The following DLG2 variants were observed in gnomAD, a reference collection of about 807,000 sequenced individuals.
The protein encoded by DLG2 is disks large homolog 2.
A neutral mutation model predicts 132.5 loss-of-function variants in DLG2; 45 were observed. The observed-to-expected ratio is 0.34, with a 90% CI of 0.27 to 0.44. The LOEUF is 0.44. Among genes scored for constraint, DLG2 ranks in the 20% least tolerant of loss-of-function variants. The pLI is 1.00. For missense variants in DLG2, 1,045 were observed against 1,196.9 expected (o/e 0.87, Z 1.87); for synonymous variants, 424 against 419.6 (o/e 1.01, Z -0.13).
intron 7 of DLG2, among the ~76,000 whole-genome samples, chr11:84,343,168 T>G (rs558921757): frequency 6.6e-6 from 1 of 152,158 alleles, no homozygotes; most frequent in African/African-American, 2.4e-5. Context: ...ATTTAGGGAT[T>G]TGATGAATCG....
Position 84,629,096 on chromosome 11 carries a change from G to A in DLG2, c.358-94365C>T, listed in dbSNP as rs775348599. On this transcript the variant is annotated intron_variant, in intron 6 of 27. Coordinates refer to ENST00000376104, the MANE Select transcript of DLG2 (RefSeq NM_001142699.3). ...CATGAATCCTTCCTTTCCTGCAACT[G>A]CCTGTTAATTATAGTGCCACTTTTG... 2.0e-5 allele frequency among the ~76,000 whole-genome samples: 3 copies of A among 152,088 alleles called. 1 individual carries two copies. The highest frequency in any genetic ancestry group is 4.4e-5 in the Non-Finnish European group (3 of 68,032).
chr11:85,258,932 T>C (rs56397020), intron 4 of DLG2, among the ~76,000 whole-genome samples: 7,824 of 152,316 alleles, frequency 0.051, 285 homozygotes, highest in Middle Eastern at 0.092. Flanking sequence ...TTCATGACTA[T>C]TTTCTGAAAT....
At chr11:84,761,052 C>T (rs1387446210) in intron 6 of DLG2, among the ~76,000 whole-genome samples, 4 of 152,168 alleles carry the variant, frequency 2.6e-5, no homozygotes, top group Admixed American at 6.5e-5. Context: ...TCACATGGCC[C>T]TCTGCCCTTG....
chr11:84,973,579 C>A lies in DLG2; in HGVS notation c.357+138082G>T, dbSNP rs150167750. ...AAGTGCATTATTAATTTCATTATCA[C>A]TGAGGATTCACATTGATACAAAATG... On this transcript the variant is annotated intron_variant, in intron 6 of 27. Coordinates refer to ENST00000376104, the MANE Select transcript of DLG2 (RefSeq NM_001142699.3). Among the ~76,000 whole-genome samples, 631 of 152,270 alleles carry A rather than the reference C, an allele frequency of 4.1e-3. 29 individuals are homozygous for A. Among genetic ancestry groups the A allele is most frequent in the Admixed American group, 0.032 (493 of 15,298 alleles).
At chr11:84,220,492 T>C (rs2096897840) in intron 8 of DLG2, among the ~76,000 whole-genome samples, 2 of 152,220 alleles carry the variant, frequency 1.3e-5, no homozygotes, top group Admixed American at 6.5e-5. Flanking sequence ...CTCCTGGTGC[T>C]AGCAAACTCA....
In DLG2 at chr11:84,746,251, G is replaced by T. The variant is rs911489579; in HGVS notation, c.358-211520C>A. The stretch of plus-strand genomic sequence containing the variant: ...GATGGAAAACAACAAGATATGAAAA[G>T]AAAAAAAAAAAAAAGAAAAGAAAAG... On this transcript the variant is annotated intron_variant, in intron 6 of 27. Transcript: ENST00000376104. Among the ~76,000 whole-genome samples the T allele has an allele frequency of 6.6e-5, 6 of 91,002 alleles. No homozygotes were observed. In the South Asian group the frequency reaches 2.1e-3, roughly 31 times the overall value. The allele number at this position is 91,002 out of a possible 152,430, so 59.7% of individuals were successfully genotyped here.
chr11:85,294,504 G>A (rs1465457777), intron 3 of DLG2, among the ~76,000 whole-genome samples: 4 of 152,062 alleles, frequency 2.6e-5, no homozygotes, highest in African/African-American at 9.7e-5. Context: ...AAACAAAATG[G>A]CCCTGGCTCT....
chr11:84,163,038 T>A (rs991418367), intron 9 of DLG2, among the ~76,000 whole-genome samples: 3 of 152,122 alleles, frequency 2.0e-5, no homozygotes, highest in African/African-American at 7.2e-5. Context: ...GGGAGTAGTT[T>A]TAAAATGCAC....
At chr11:85,192,856 G>T (rs1292819922) in intron 4 of DLG2, among the ~76,000 whole-genome samples, 1 of 152,158 alleles carries the variant, frequency 6.6e-6, no homozygotes, top group Non-Finnish European at 1.5e-5. Context: ...ATCCACCCAT[G>T]TTCCTGTGGC....
rs542472716 is a variant in DLG2 at position 85,511,158 on chromosome 11, T to C, written c.40+87499A>G. Among the ~76,000 whole-genome samples the C allele has an allele frequency of 1.9e-4, 29 of 151,876 alleles. No individual in the cohort carries two copies. The East Asian group carries it at 5.4e-3, about 29-fold the overall frequency. On this transcript the variant is annotated intron_variant, in intron 3 of 27. Coordinates refer to ENST00000376104, the MANE Select transcript of DLG2 (RefSeq NM_001142699.3). ...AACACCGCATGTTCTCACTCATAGA[T>C]GGGAATTGAACAATGAGAACACATG...
chr11:83,661,012 T>C (rs1193610252), intron 18 of DLG2, among the ~76,000 whole-genome samples: 1 of 152,178 alleles, frequency 6.6e-6, no homozygotes, highest in African/African-American at 2.4e-5. Flanking sequence ...ACAACAAAGA[T>C]GTGTTTTTAA....
intron 4 of DLG2, among the ~76,000 whole-genome samples, chr11:85,238,988 C>G (rs1438262423): frequency 6.6e-6 from 1 of 151,998 alleles, no homozygotes. Context: ...GGGAGTACTT[C>G]CAGCATCATT....
At chr11:84,822,239 T>C (rs1340965709) in intron 6 of DLG2, among the ~76,000 whole-genome samples, 2 of 151,892 alleles carry the variant, frequency 1.3e-5, no homozygotes, top group African/African-American at 2.4e-5. Context: ...ATTAAACTAA[T>C]TAACTCCTCC....
At chr11:84,046,200 G>C (rs2096239880) in intron 11 of DLG2, among the ~76,000 whole-genome samples, 1 of 151,464 alleles carries the variant, frequency 6.6e-6, no homozygotes. Context: ...TTTTAGTCTT[G>C]TCTTCAGAGC....
chr11:85,266,920 T>C (rs2077248007), intron 4 of DLG2, among the ~76,000 whole-genome samples: 1 of 152,216 alleles, frequency 6.6e-6, no homozygotes, highest in Non-Finnish European at 1.5e-5. Context: ...GTATAAACTT[T>C]CCATTCTGGG....
At chr11:85,446,679 C>A (rs372704765) in intron 3 of DLG2, among the ~76,000 whole-genome samples, 50 of 152,114 alleles carry the variant, frequency 3.3e-4, no homozygotes, top group Admixed American at 8.5e-4. Context: ...GTGAATCATA[C>A]AACCACAGAT....
chr11:83,965,266 T>A (rs2089928598), intron 13 of DLG2, 58 bp downstream of exon 13: 1 of 1,533,072 alleles, frequency 6.5e-7, no homozygotes, highest in Admixed American at 2.0e-5. Flanking sequence ...TCAACAGTTT[T>A]ATAGAATTCC....
chr11:85,548,185 T>C lies in DLG2; in HGVS notation c.40+50472A>G, dbSNP rs528004948. 2.0e-5 allele frequency among the ~76,000 whole-genome samples: 3 copies of C among 152,314 alleles called. No homozygotes were observed. The South Asian group carries it at 6.2e-4, about 32-fold the overall frequency. On this transcript the variant is annotated intron_variant, in intron 3 of 27. Transcript: ENST00000376104. ...CTGGGGTCTCTGAGTGGATGTCCTTTTTGTTGATGTTGATACTATTCCTTT... is the reference window on the plus strand; with the variant it reads ...CTGGGGTCTCTGAGTGGATGTCCTTCTTGTTGATGTTGATACTATTCCTTT...
chr11:85,154,182 A>G (rs368262125), intron 5 of DLG2, among the ~76,000 whole-genome samples: 2 of 151,070 alleles, frequency 1.3e-5, no homozygotes, highest in African/African-American at 4.8e-5. Flanking sequence ...GCCAAATTAG[A>G]TAACTTCCTT....
Sources: allele counts gnomAD v4.1 joint callset (sites outside exome capture counted in the v4.1 genomes callset), GRCh38; gene constraint gnomAD v4.1.1; transcripts MANE v1.5; gene names NCBI Gene and HGNC (gene_info 2026-07-23, HGNC 2026-07-21).